Variants in SMCO2 observed in about 807,000 individuals in gnomAD.
SMCO2 encodes the protein single-pass membrane protein with coiled-coil domains 2, also known as single-pass membrane and coiled-coil domain-containing protein 2.
Under a neutral mutation model 29.5 loss-of-function variants are expected in SMCO2, and 25 were observed. The observed-to-expected ratio is 0.85, with a 90% CI of 0.62 to 1.18. The LOEUF is 1.18. Ranked by LOEUF, SMCO2 falls within the 50% of genes most tolerant of loss-of-function variation. SMCO2 has a pLI of 0.00. For synonymous variants in SMCO2, 117 were observed against 123.3 expected, an observed-to-expected ratio of 0.95 and a Z score of 0.34; for missense variants, 348 against 344.5, an observed-to-expected ratio of 1.01 and a Z score of -0.08.
chr12:27,466,145 G>A (rs971039045), upstream of SMCO2, among the ~76,000 whole-genome samples: 4 of 152,324 alleles, frequency 2.6e-5, no homozygotes, highest in Non-Finnish European at 4.4e-5. Context: ...GCTTGGGCCC[G>A]GTGCAGTGGC....
chr12:27,454,625 T>C, the SMCO2 span, among the ~76,000 whole-genome samples: 1 of 152,234 alleles, frequency 6.6e-6, no homozygotes, highest in Admixed American at 6.5e-5. Context: ...GTGCAGAACA[T>C]GCAGGTTTGT....
the SMCO2 span, among the ~76,000 whole-genome samples, chr12:27,450,586 G>A: frequency 1.3e-5 from 2 of 152,150 alleles, no homozygotes; most frequent in African/African-American, 4.8e-5. Context: ...AAATCAGCAC[G>A]AGGAGGATCA....
At chr12:27,469,143 T>A (rs1231480539) in intron 1 of SMCO2, among the ~76,000 whole-genome samples, 1 of 152,224 alleles carries the variant, frequency 6.6e-6, no homozygotes, top group Non-Finnish European at 1.5e-5. Context: ...AATCTCAGTG[T>A]CTGTTCACCT....
rs74522971 is a variant in SMCO2 at position 27,468,315 on chromosome 12, C to T, written c.-11+1340C>T. Reference sequence around the variant, plus strand: ...CTTCTGTAAAGGGCAAGATAGTAAACATTTAGCCTTTCTATGCCAAATGAT... The same window carrying T: ...CTTCTGTAAAGGGCAAGATAGTAAATATTTAGCCTTTCTATGCCAAATGAT... On this transcript the variant is annotated intron_variant, in intron 1 of 7. Transcript: ENST00000298876. 1.3e-3 allele frequency among the ~76,000 whole-genome samples: 205 copies of T among 152,358 alleles called. 1 individual carries two copies. The East Asian group carries it at 0.025, about 19-fold the overall frequency.
chr12:27,476,986 T>C (rs2728719), intron 4 of SMCO2, among the ~76,000 whole-genome samples: 17,466 of 152,040 alleles, frequency 0.11, 1,929 homozygotes, highest in African/African-American at 0.27. Flanking sequence ...TAATGTTTGA[T>C]TTTTGTCTCT....
the SMCO2 span, among the ~76,000 whole-genome samples, chr12:27,428,919 G>A: frequency 7.5e-6 from 1 of 133,534 alleles, no homozygotes; most frequent in East Asian, 2.2e-4. Flanking sequence ...TCAATACTTT[G>A]TTGACTGAGC....
the SMCO2 span, chr12:27,423,522 G>T: frequency 6.6e-6 from 1 of 151,692 alleles, no homozygotes; most frequent in Admixed American, 6.6e-5. Flanking sequence ...GTAGAGACGG[G>T]GTTTCACCAT....
At chr12:27,474,516 T>C (rs375194080) in intron 3 of SMCO2, among the ~76,000 whole-genome samples, 1 of 152,028 alleles carries the variant, frequency 6.6e-6, no homozygotes, top group African/African-American at 2.4e-5. Flanking sequence ...AGTTTTGGAG[T>C]CCGTGGTCAG....
In SMCO2 at chr12:27,499,670, G is replaced by A. The variant is rs926045754; in HGVS notation, c.684-2253G>A. Reference sequence around the variant, plus strand: ...ACGTATCGCTTTATTGTGTTATATCGGAGGATTATAATCAGGCTGAGTTGC... The same window carrying A: ...ACGTATCGCTTTATTGTGTTATATCAGAGGATTATAATCAGGCTGAGTTGC... On this transcript the variant is annotated intron_variant, in intron 7 of 7. Coordinates refer to ENST00000298876, the Ensembl canonical transcript of SMCO2. Among the ~76,000 whole-genome samples, 47 of 150,722 alleles carry A rather than the reference G, an allele frequency of 3.1e-4. 3 individuals are homozygous for A. Among genetic ancestry groups the A allele is most frequent in the Non-Finnish European group, 1.0e-4 (7 of 67,884 alleles).
chr12:27,458,275 A>G, the SMCO2 span, among the ~76,000 whole-genome samples: 1 of 152,150 alleles, frequency 6.6e-6, no homozygotes, highest in Non-Finnish European at 1.5e-5. Flanking sequence ...AAATTCCTCA[A>G]ACAATTAACC....
intron 2 of SMCO2, among the ~76,000 whole-genome samples, chr12:27,471,068 T>A (rs984692004): frequency 1.8e-4 from 28 of 152,116 alleles, no homozygotes; most frequent in Non-Finnish European, 1.5e-5. Flanking sequence ...ATCTAAGCCA[T>A]TTAAAATACT....
the SMCO2 span, among the ~76,000 whole-genome samples, chr12:27,442,977 G>A: frequency 6.6e-6 from 1 of 152,102 alleles, no homozygotes; most frequent in Non-Finnish European, 1.5e-5. Flanking sequence ...AATTATTCTA[G>A]AAAATTGAAG....
At chr12:27,452,801 A>G in the SMCO2 span, among the ~76,000 whole-genome samples, 3 of 152,052 alleles carry the variant, frequency 2.0e-5, no homozygotes, top group Admixed American at 2.0e-4. Context: ...TATCTTTTTG[A>G]TATATTTACT....
chr12:27,427,387 C>T, the SMCO2 span, among the ~76,000 whole-genome samples: 1 of 152,168 alleles, frequency 6.6e-6, no homozygotes, highest in Non-Finnish European at 1.5e-5. Flanking sequence ...GGGGACCACA[C>T]TTTGAGAACC....
exon 5 of SMCO2, chr12:27,488,515 G>A (rs925618863): frequency 1.3e-6 from 2 of 1,539,382 alleles, no homozygotes; most frequent in Non-Finnish European, 1.8e-6. Flanking sequence ...GGAGGACCGG[G>A]GCCTTGACCT....
At position 27,494,752 on chromosome 12, in the gene SMCO2, C is replaced by A. The variant is rs532955685; in HGVS notation, c.507+396C>A. ...ACTCCCACTTATGAGTGTGAACATG[C>A]AGTGTTTGGTTTTCTGTTCCTGTGT... On this transcript the variant is annotated intron_variant, in intron 6 of 7. Coordinates refer to ENST00000298876, the Ensembl canonical transcript of SMCO2. 7.2e-5 allele frequency among the ~76,000 whole-genome samples: 11 copies of A among 151,906 alleles called. No homozygotes were observed. The South Asian group carries it at 2.1e-3, about 29-fold the overall frequency.
chr12:27,454,963 A>G, the SMCO2 span, among the ~76,000 whole-genome samples: 2 of 152,342 alleles, frequency 1.3e-5, no homozygotes, highest in South Asian at 2.1e-4. Flanking sequence ...TAATAGCTGC[A>G]TGGCCTTCCA....
At chr12:27,435,825 T>G in the SMCO2 span, among the ~76,000 whole-genome samples, 2 of 152,228 alleles carry the variant, frequency 1.3e-5, no homozygotes, top group Non-Finnish European at 2.9e-5. Context: ...CTCCCACCAA[T>G]GAGCCTCAGT....
chr12:27,444,358 T>G, the SMCO2 span, among the ~76,000 whole-genome samples: 1 of 152,300 alleles, frequency 6.6e-6, no homozygotes, highest in Non-Finnish European at 1.5e-5. Flanking sequence ...AAATGGATTA[T>G]TGACTTGAAT....
Sources: gnomAD v4.1 joint callset for allele counts (sites outside exome capture counted in the v4.1 genomes callset) on GRCh38, gnomAD v4.1.1 for gene constraint, MANE v1.5 for transcripts, NCBI Gene and HGNC (gene_info 2026-07-23, HGNC 2026-07-21) for gene names.